CADM2: variants seen among roughly 807,000 people sequenced by gnomAD.
CADM2 encodes the protein immunoglobulin superfamily member 4D.
CADM2 carries 12 observed loss-of-function variants against 49.8 expected under a neutral mutation model. That is an observed-to-expected ratio of 0.24 (90% confidence interval 0.15 to 0.39). The LOEUF is 0.39. Ranked by LOEUF, CADM2 falls within the 10% of genes least tolerant of loss-of-function variation. The pLI is 1.00. For synonymous variants in CADM2, 214 were observed against 175.4 expected (o/e 1.22, Z -1.74); for missense variants, 378 against 492.3 (o/e 0.77, Z 2.20).
intron 1 of CADM2, among the ~76,000 whole-genome samples, chr3:85,659,258 T>C (rs907100539): frequency 1.3e-5 from 2 of 151,884 alleles, no homozygotes. Flanking sequence ...AAAGGTATTC[T>C]GGCTTACCAG....
At chr3:86,015,200 C>G (rs1368547278) in intron 8 of CADM2, 1 of 335,210 alleles carries the variant, frequency 3.0e-6, no homozygotes, top group Non-Finnish European at 5.4e-6. Context: ...CTCTTAATCA[C>G]TAAATGTCTT....
chr3:85,043,359 G>A (rs532612361), intron 1 of CADM2, among the ~76,000 whole-genome samples: 1 of 151,916 alleles, frequency 6.6e-6, no homozygotes, highest in South Asian at 2.1e-4. Context: ...AACTCCTTCA[G>A]ATGTATGGGC....
intron 8 of CADM2, chr3:86,013,921 C>T (rs1236067474): frequency 5.7e-6 from 9 of 1,588,578 alleles, no homozygotes; most frequent in East Asian, 2.2e-5. Context: ...CTCTGAACTT[C>T]CTGTGCCTTA....
intron 1 of CADM2, among the ~76,000 whole-genome samples, chr3:85,649,936 A>C (rs1230930137): frequency 6.6e-6 from 1 of 152,146 alleles, no homozygotes; most frequent in African/African-American, 2.4e-5. Flanking sequence ...GAGGATAATA[A>C]AAGCAAGGAA....
chr3:86,012,581 C>T, intron 8 of CADM2: 1 of 1,562,438 alleles, frequency 6.4e-7, no homozygotes, highest in African/African-American at 1.4e-5. Context: ...TCTGCGCTGC[C>T]CCCAACTGCA....
At chr3:85,621,086 TG>T (rs34650885) in intron 1 of CADM2, among the ~76,000 whole-genome samples, 2 of 152,154 alleles carry the variant, frequency 1.3e-5, no homozygotes, top group African/African-American at 2.4e-5. Flanking sequence ...CCCCTTACAA[TG>T]GAAGTATAGT....
At chr3:85,103,785 A>T (rs1302278601) in intron 1 of CADM2, among the ~76,000 whole-genome samples, 1 of 152,182 alleles carries the variant, frequency 6.6e-6, no homozygotes, top group East Asian at 1.9e-4. Flanking sequence ...TACTTCAAGG[A>T]GTACTTGAAT....
chr3:85,766,942 T>G (rs1184699476), intron 2 of CADM2, among the ~76,000 whole-genome samples: 6 of 152,164 alleles, frequency 3.9e-5, no homozygotes, highest in Middle Eastern at 3.2e-3. Flanking sequence ...TATGTTCAGT[T>G]TTTGCCATCA....
At chr3:85,131,474 T>C (rs1028935863) in intron 1 of CADM2, among the ~76,000 whole-genome samples, 1 of 152,178 alleles carries the variant, frequency 6.6e-6, no homozygotes, top group Non-Finnish European at 1.5e-5. Context: ...TTGACTTACA[T>C]AATAATTTCT....
In CADM2 at chr3:85,587,567, G is replaced by A. The variant is rs2062979658; in HGVS notation, c.62-138955G>A. Among the ~76,000 whole-genome samples the A allele has an allele frequency of 2.0e-5, 3 of 151,900 alleles. No homozygotes were observed. The South Asian group carries it at 6.2e-4, about 32-fold the overall frequency. On this transcript the variant is annotated intron_variant, in intron 1 of 9. Coordinates refer to ENST00000383699, the MANE Select transcript of CADM2 (RefSeq NM_001167675.2). The stretch of plus-strand genomic sequence containing the variant: ...TAAATAGTCAACCCCTATGATCCTT[G>A]GGTGTACATAGAAATTGTCTTGTCT...
At chr3:85,953,928 ACTACT>A (rs1180130735) in intron 7 of CADM2, among the ~76,000 whole-genome samples, 2 of 150,970 alleles carry the variant, frequency 1.3e-5, no homozygotes, top group African/African-American at 4.8e-5. Context: ...TACATTGAAG[ACTACT>A]CTACAATAAA....
At chr3:85,907,494 T>A (rs954379118) in intron 5 of CADM2, among the ~76,000 whole-genome samples, 1 of 152,160 alleles carries the variant, frequency 6.6e-6, no homozygotes, top group African/African-American at 2.4e-5. Context: ...AGTTTCTAAA[T>A]CCTGCCTTGT....
At chr3:85,350,332 C>G (rs1236734675) in intron 1 of CADM2, among the ~76,000 whole-genome samples, 5 of 152,026 alleles carry the variant, frequency 3.3e-5, no homozygotes, top group Non-Finnish European at 7.4e-5. Context: ...AATAAGAAAG[C>G]TACTTTTAAA....
intron 1 of CADM2, among the ~76,000 whole-genome samples, chr3:85,675,716 G>A (rs374812925): frequency 9.9e-5 from 15 of 152,188 alleles, no homozygotes; most frequent in African/African-American, 3.6e-4. Flanking sequence ...GGACAGGTTG[G>A]GGAAAACCAT....
At chr3:85,370,532 T>C (rs2033154325) in intron 1 of CADM2, among the ~76,000 whole-genome samples, 1 of 152,166 alleles carries the variant, frequency 6.6e-6, no homozygotes, top group South Asian at 2.1e-4. Flanking sequence ...TACTCACATG[T>C]TTGTGTTGAT....
rs377500055 is a variant in CADM2 at position 85,271,402 on chromosome 3, A to G, written c.61+311734A>G. ...TAGAACACAGAAATCTGATTCAATA[A>G]TTTGTTAGAATTAGGAAGCATCATC... On this transcript the variant is annotated intron_variant, in intron 1 of 9. Transcript: ENST00000383699. Among the ~76,000 whole-genome samples, 11 of 151,446 alleles carry G rather than the reference A, an allele frequency of 7.3e-5. No homozygotes were observed. The East Asian group carries it at 1.7e-3, about 24-fold the overall frequency.
At chr3:85,936,026 T>C (rs561942626) in intron 7 of CADM2, among the ~76,000 whole-genome samples, 169 bp downstream of exon 7, 4 of 151,880 alleles carry the variant, frequency 2.6e-5, no homozygotes, top group South Asian at 2.1e-4. Flanking sequence ...CTATGGAAGA[T>C]TGGTTTTTAC....
chr3:85,625,741 G>A (rs372519858), intron 1 of CADM2, among the ~76,000 whole-genome samples: 4 of 151,924 alleles, frequency 2.6e-5, no homozygotes, highest in African/African-American at 9.7e-5. Context: ...TTCTATGCTA[G>A]GGTATAGAGG....
chr3:85,999,502 CA>C (rs200672542), intron 8 of CADM2, among the ~76,000 whole-genome samples: 2 of 110,994 alleles, frequency 1.8e-5, no homozygotes, highest in African/African-American at 3.5e-5. Context: ...TAGACTCTGT[CA>C]AAAAAAAGAA....
Sources: gnomAD v4.1 joint callset for allele counts (sites outside exome capture counted in the v4.1 genomes callset) on GRCh38, gnomAD v4.1.1 for gene constraint, MANE v1.5 for transcripts, NCBI Gene and HGNC (gene_info 2026-07-23, HGNC 2026-07-21) for gene names.